Variants in LEO1 observed in about 807,000 individuals in gnomAD.
LEO1 encodes the protein RNA polymerase-associated protein LEO1.
In LEO1, 34 loss-of-function variants were observed where a neutral mutation model predicts 80.4. The ratio of observed to expected loss-of-function variants is 0.42; its 90% confidence interval spans 0.32 to 0.56. The LOEUF is 0.56. Ranked by LOEUF, LEO1 falls within the 20% of genes least tolerant of loss-of-function variation. The pLI is 0.10. For missense variants in LEO1, 631 were observed against 814.2 expected, an observed-to-expected ratio of 0.77 and a Z score of 2.74; for synonymous variants, 262 against 274.9, an observed-to-expected ratio of 0.95 and a Z score of 0.46.
chr15:51,950,110 G>T (rs1409471464), intron 9 of LEO1, 116 bp from the exon 10 acceptor site: 2 of 913,122 alleles, frequency 2.2e-6, no homozygotes, highest in Non-Finnish European at 3.2e-6. Flanking sequence ...GCTGTGCCGT[G>T]TGTGTTCCCC....
chr15:51,938,637 A>T (rs1008298533), intron 11 of LEO1, among the ~76,000 whole-genome samples: 2 of 152,170 alleles, frequency 1.3e-5, no homozygotes, highest in Non-Finnish European at 2.9e-5. Flanking sequence ...TCAGTATTTT[A>T]AAGACTGTTG....
chr15:51,958,002 C>A (rs1426341739), intron 6 of LEO1, among the ~76,000 whole-genome samples: 1 of 147,344 alleles, frequency 6.8e-6, no homozygotes, highest in Non-Finnish European at 1.5e-5. Context: ...GCGTGGGCGA[C>A]ACAGCGATGC....
intron 9 of LEO1, among the ~76,000 whole-genome samples, chr15:51,951,226 A>G (rs2056946255): frequency 2.0e-5 from 3 of 152,224 alleles, no homozygotes; most frequent in Admixed American, 6.5e-5. Flanking sequence ...GAAGATGGAG[A>G]GGAGAAATGA....
intron 11 of LEO1, among the ~76,000 whole-genome samples, chr15:51,943,925 G>A (rs1298780664): frequency 1.3e-5 from 2 of 152,054 alleles, no homozygotes; most frequent in African/African-American, 2.4e-5. Flanking sequence ...TCTGAAGAAC[G>A]GAGAAAACAG....
At chr15:51,941,491 C>T (rs760339273) in intron 11 of LEO1, among the ~76,000 whole-genome samples, 11 of 152,148 alleles carry the variant, frequency 7.2e-5, no homozygotes, top group Non-Finnish European at 1.5e-4. Flanking sequence ...TAATCCTTCA[C>T]AGAACGTACC....
rs2057125590 is a variant in LEO1 at position 51,971,722 on chromosome 15, G to T, written c.24C>A (p.Phe8Leu). 1 of 1,614,144 alleles carries T rather than the reference G, an allele frequency of 6.2e-7. No individual in the cohort carries two copies. The highest frequency in any genetic ancestry group is 8.5e-7 in the Non-Finnish European group (1 of 1,180,028). The change falls in exon 1 of 12, where the codon TTC (phenylalanine) becomes TTA (leucine). Residue 8 changes from phenylalanine to leucine, a missense_variant. Around this residue, in one of 4 missense-constraint regions of LEO1, gnomAD observed 394 missense variants for 395.6 expected, o/e 1.00. Coordinates refer to ENST00000299601, the MANE Select transcript of LEO1 (RefSeq NM_138792.4). MADMEDL[F>L]GSDADSEAER... ...CAGCTTCGCTGTCGGCGTCGCTCCC[G>T]AAGAGATCCTCCATATCCGCCATTA...
rs188575778 is a variant in LEO1, at chr15:51,961,431, T to C, written c.920-698A>G. ...TTTTGAGACAGAGTCTCACTGTTGT[T>C]GCTCAGGCTGGACTGCAGTGGTGCG... On this transcript the variant is annotated intron_variant, in intron 3 of 11. Coordinates refer to ENST00000299601, the MANE Select transcript of LEO1 (RefSeq NM_138792.4). Among the ~76,000 whole-genome samples, 65 of 152,114 alleles carry C rather than the reference T, an allele frequency of 4.3e-4. 1 individual carries two copies. The East Asian group carries it at 0.012, about 27-fold the overall frequency.
At chr15:51,946,488 T>C (rs2593198) in intron 11 of LEO1, among the ~76,000 whole-genome samples, 66,323 of 151,994 alleles carry the variant, frequency 0.44, 14,698 homozygotes, top group Admixed American at 0.52. Context: ...TGAGCCACCA[T>C]GCCCGGCCAA....
At chr15:51,970,660 C>A (rs1442614399) in intron 1 of LEO1, among the ~76,000 whole-genome samples, 1 of 152,134 alleles carries the variant, frequency 6.6e-6, no homozygotes, top group African/African-American at 2.4e-5. Context: ...GAAACAATAG[C>A]AGACAGGGGT....
chr15:51,954,648 G>T, intron 6 of LEO1, 73 bp from the exon 7 acceptor site: 2 of 967,150 alleles, frequency 2.1e-6, no homozygotes, highest in Non-Finnish European at 1.7e-6. Context: ...TCCTCAAGAG[G>T]CACATAATCA....
intron 2 of LEO1, 127 bp from the exon 3 acceptor site, chr15:51,962,620 A>T: frequency 1.6e-6 from 1 of 628,700 alleles, no homozygotes; most frequent in Non-Finnish European, 2.8e-6. Context: ...AAGAGGAATG[A>T]ACTGCTGATA....
At position 51,947,408 on chromosome 15, in the gene LEO1, A is replaced by G; in HGVS notation, c.1799-19T>C. On this transcript the variant is annotated intron_variant, in intron 10 of 11. Coordinates refer to ENST00000299601, the MANE Select transcript of LEO1 (RefSeq NM_138792.4). ...CGTTCCTCTGAAAGCAAAAGTACAGATTGTGAGTCACCTTTTTTTTTTTCT... is the reference window on the plus strand; with the variant it reads ...CGTTCCTCTGAAAGCAAAAGTACAGGTTGTGAGTCACCTTTTTTTTTTTCT... 2 of 1,523,614 alleles carry G rather than the reference A, an allele frequency of 1.3e-6. No individual in the cohort carries two copies. The highest frequency in any genetic ancestry group is 1.8e-6 in the Non-Finnish European group (2 of 1,113,930). The allele number at this position is 1,523,614 out of a possible 1,614,324, so 94.4% of individuals were successfully genotyped here. A position where few individuals can be genotyped will look rare whatever the true frequency, so the allele number is the denominator to read the frequency against.
At chr15:51,970,290 TG>T (rs2057112664) in intron 1 of LEO1, among the ~76,000 whole-genome samples, 1 of 152,158 alleles carries the variant, frequency 6.6e-6, no homozygotes, top group Non-Finnish European at 1.5e-5. Context: ...TCTGAGTACC[TG>T]GGACTACAGG....
chr15:51,966,294 G>C lies in LEO1; in HGVS notation c.269C>G (p.Ala90Gly), dbSNP rs1443780348. 6.2e-7 allele frequency: 1 copy of C among 1,613,992 alleles called. No homozygotes were observed. Among genetic ancestry groups the C allele is most frequent in the East Asian group, 2.2e-5 (1 of 44,900 alleles). The change falls in exon 2 of 12, where the codon GCT becomes GGT. Residue 90 changes from alanine to glycine, a missense_variant. By Grantham distance (60) the Ala-to-Gly change is moderately conservative. Around this residue, in one of 4 missense-constraint regions of LEO1, gnomAD observed 394 missense variants for 395.6 expected, o/e 1.00. Transcript: ENST00000299601. ...GTCCTCATGGTCAGAACGCTCAGAAGCTTCTGATCTATTGTCTGATCTTTC... is the reference window on the plus strand; with the variant it reads ...GTCCTCATGGTCAGAACGCTCAGAACCTTCTGATCTATTGTCTGATCTTTC... ...HSERSDNRSEASERSDHEDND... is the reference protein window; with the variant it reads ...HSERSDNRSEGSERSDHEDND...
chr15:51,967,925 T>A (rs1378034118), intron 1 of LEO1, among the ~76,000 whole-genome samples: 2 of 152,250 alleles, frequency 1.3e-5, no homozygotes, highest in Admixed American at 1.3e-4. Flanking sequence ...GGCTCATGCC[T>A]GTAATCCCAA....
chr15:51,946,416 G>A (rs976780639), intron 11 of LEO1, among the ~76,000 whole-genome samples: 7 of 152,140 alleles, frequency 4.6e-5, no homozygotes, highest in Non-Finnish European at 5.9e-5. Flanking sequence ...GGCTAGTCTC[G>A]AACTCCCAAC....
At chr15:51,941,146 A>G (rs1281760153) in intron 11 of LEO1, among the ~76,000 whole-genome samples, 2 of 152,172 alleles carry the variant, frequency 1.3e-5, no homozygotes, top group South Asian at 2.1e-4. Context: ...GCAAAGGTAT[A>G]TAGTTCCTCA....
At chr15:51,941,494 A>C (rs902443434) in intron 11 of LEO1, among the ~76,000 whole-genome samples, 29 of 152,254 alleles carry the variant, frequency 1.9e-4, no homozygotes, top group Non-Finnish European at 3.5e-4. Context: ...TCCTTCACAG[A>C]ACGTACCTGT....
At chr15:51,956,039 T>C (rs1268696291) in intron 6 of LEO1, among the ~76,000 whole-genome samples, 2 of 152,170 alleles carry the variant, frequency 1.3e-5, no homozygotes, top group Admixed American at 1.3e-4. Context: ...AATACATTGG[T>C]GTATGTTTGA....
Sources: gnomAD v4.1 joint callset for allele counts (sites outside exome capture counted in the v4.1 genomes callset) on GRCh38, gnomAD v4.1.1 for gene constraint, gnomAD v4.1.1 regional missense constraint, MANE v1.5 for transcripts, NCBI Gene and HGNC (gene_info 2026-07-23, HGNC 2026-07-21) for gene names.